Variants in DNAH8 observed in about 807,000 individuals in gnomAD.
DNAH8 encodes the protein dynein axonemal heavy chain 8.
DNAH8 carries 382 observed loss-of-function variants against 562.1 expected under a neutral mutation model. The ratio of observed to expected loss-of-function variants is 0.68; its 90% confidence interval spans 0.63 to 0.74. The LOEUF is 0.74. Among genes scored for constraint, DNAH8 ranks in the 30% least tolerant of loss-of-function variants. The pLI, the probability that DNAH8 is intolerant of heterozygous loss-of-function variation, is 0.00. For missense variants in DNAH8, 5,203 were observed against 5,620.4 expected (o/e 0.93, Z 2.37); for synonymous variants, 1,881 against 1,919.4 (o/e 0.98, Z 0.52).
intron 24 of DNAH8, among the ~76,000 whole-genome samples, chr6:38,812,928 C>T (rs1381147863): frequency 4.6e-5 from 7 of 152,138 alleles, no homozygotes; most frequent in Admixed American, 4.6e-4. Flanking sequence ...GTAGGGTCTG[C>T]CTCACAGAAT....
chr6:38,790,432 T>C, intron 20 of DNAH8, 27 bp downstream of exon 20: 1 of 1,075,268 alleles, frequency 9.3e-7, no homozygotes, highest in South Asian at 1.3e-5. Context: ...TAAAAAGCTA[T>C]CAACATATAT....
chr6:38,744,781 A>G (rs1048171126), intron 8 of DNAH8, among the ~76,000 whole-genome samples: 1 of 151,948 alleles, frequency 6.6e-6, no homozygotes, highest in Admixed American at 6.6e-5. Context: ...TTTTTTTTAT[A>G]GAGATAGGAT....
chr6:38,929,508 T>C lies in DNAH8; in HGVS notation c.11119-3T>C, dbSNP rs773041505. On this transcript the variant is annotated splice_polypyrimidine_tract_variant and splice_region_variant and intron_variant, in intron 74 of 92. Transcript: ENST00000327475. ...GATAGACCAATGAGTTCTTTCTGTT[T>C]AGGTGACATCTCTGAACCATAAATA... 10 of 1,607,786 alleles carry C rather than the reference T, an allele frequency of 6.2e-6. No homozygotes were observed. The South Asian group carries it at 1.1e-4, about 18-fold the overall frequency.
rs1378988339 is a variant in DNAH8, at chr6:38,896,098, T to C, written c.8813T>C (p.Ile2938Thr). The change falls in exon 60 of 93, where the codon ATT becomes ACT. Residue 2938 changes from isoleucine (I) to threonine (T), a missense_variant. Around this residue, in one of 6 missense-constraint regions of DNAH8, gnomAD observed 977 missense variants for 1,061.8 expected, o/e 0.92. Transcript: ENST00000327475. The part of the protein sequence containing the change: ...AHLTRAVEEN[I>T]GSDAASCILP... ...CTTACTCGTGCAGTTGAAGAAAATA[T>C]TGGCTCTGATGCAGCGTCGTGTATT... is the stretch of plus-strand genomic sequence containing the variant. 2.5e-6 allele frequency: 4 copies of C among 1,614,026 alleles called. No individual in the cohort carries two copies. Among genetic ancestry groups the C allele is most frequent in the African/African-American group, 2.7e-5 (2 of 74,938 alleles).
intron 3 of DNAH8, among the ~76,000 whole-genome samples, chr6:38,726,851 G>GTTT (rs58557655): frequency 6.3e-5 from 4 of 63,270 alleles, no homozygotes; most frequent in Non-Finnish European, 1.2e-4. Flanking sequence ...GTATTCTTTA[G>GTTT]TTTTTTTTTT....
Position 39,030,089 on chromosome 6 carries a change from T to C in DNAH8, c.13837-16T>C, listed in dbSNP as rs370831331. 6.2e-7 allele frequency: 1 copy of C among 1,604,850 alleles called. No individual in the cohort carries two copies. Among genetic ancestry groups the C allele is most frequent in the African/African-American group, 1.3e-5 (1 of 74,704 alleles). Reference sequence around the variant, plus strand: ...TTAAAAAATAAATCCTATTACCTTATGCTTGACTCTTCCAGGAAGGTGTGT... The same window carrying C: ...TTAAAAAATAAATCCTATTACCTTACGCTTGACTCTTCCAGGAAGGTGTGT... On this transcript the variant is annotated splice_polypyrimidine_tract_variant and intron_variant, in intron 92 of 92. Transcript: ENST00000327475.
chr6:38,927,141 A>G (rs1214623677), intron 74 of DNAH8, among the ~76,000 whole-genome samples: 1 of 152,246 alleles, frequency 6.6e-6, no homozygotes, highest in Non-Finnish European at 1.5e-5. Flanking sequence ...TCATTATAGA[A>G]AAAAAGAACC....
chr6:38,747,808 A>C (rs781361573), intron 8 of DNAH8, among the ~76,000 whole-genome samples: 3 of 152,218 alleles, frequency 2.0e-5, no homozygotes, highest in Non-Finnish European at 4.4e-5. Context: ...AAATAAGTTT[A>C]TACAGTTTTT....
At chr6:38,845,475 A>T in intron 35 of DNAH8, 99 bp from the exon 36 acceptor site, 1 of 822,716 alleles carries the variant, frequency 1.2e-6, no homozygotes, top group Non-Finnish European at 2.0e-6. Flanking sequence ...TGGGTGACTT[A>T]CAGGTCCCTT....
At chr6:38,923,861 G>T (rs1781909249) in intron 72 of DNAH8, 130 bp from the exon 73 acceptor site, 9 of 1,054,862 alleles carry the variant, frequency 8.5e-6, no homozygotes, top group Admixed American at 4.7e-5. Context: ...CTTTTTCCAT[G>T]CCTGGCTACC....
intron 62 of DNAH8, among the ~76,000 whole-genome samples, 172 bp from the exon 63 acceptor site, chr6:38,906,082 T>C (rs1348640274): frequency 6.6e-6 from 1 of 151,780 alleles, no homozygotes; most frequent in Non-Finnish European, 1.5e-5. Flanking sequence ...TTTTTTTGTA[T>C]TTTTTTAGTA....
chr6:38,899,933 T>G, intron 62 of DNAH8, 27 bp downstream of exon 62: 3 of 1,502,200 alleles, frequency 2.0e-6, no homozygotes, highest in Non-Finnish European at 2.7e-6. Flanking sequence ...CACAATATGT[T>G]TTTCTATAGT....
chr6:38,901,217 A>G (rs1780056321), intron 62 of DNAH8, among the ~76,000 whole-genome samples: 1 of 151,616 alleles, frequency 6.6e-6, no homozygotes, highest in African/African-American at 2.4e-5. Context: ...ATTTTTTTCT[A>G]TTTAGTCCTT....
intron 79 of DNAH8, 141 bp downstream of exon 79, chr6:38,939,129 CT>C (rs34968001): frequency 1.0e-5 from 7 of 671,386 alleles, no homozygotes; most frequent in African/African-American, 1.8e-5. Flanking sequence ...TTTTTAATAC[CT>C]TTTTTCTGTT....
intron 76 of DNAH8, 49 bp from the exon 77 acceptor site, chr6:38,935,543 A>G: frequency 7.4e-7 from 1 of 1,353,458 alleles, no homozygotes; most frequent in East Asian, 2.3e-5. Context: ...GTTTACTGTA[A>G]TAACTGGTAA....
chr6:38,926,103 C>T lies in DNAH8; in HGVS notation c.11011C>T (p.Gln3671Ter). Residue 3671 changes from glutamine (Q) to a stop codon, truncating the protein, a stop_gained, in exon 74 of 93, where the codon CAG becomes TAG. Coordinates refer to ENST00000327475, the MANE Select transcript of DNAH8 (RefSeq NM_001206927.2). LOFTEE classifies it high-confidence loss of function. ...QGLPGDDLSIQNGIIVTKATR... is the reference protein window; with the variant it reads ...QGLPGDDLSI ...ATTACCAGGAGATGATCTCTCAATT[C>T]AGAATGGCATTATTGTGACAAAGGC... The T allele has an allele frequency of 6.2e-7, 1 of 1,613,724 alleles. No homozygotes were observed. The highest frequency in any genetic ancestry group is 1.1e-5 in the South Asian group (1 of 91,074).
At chr6:38,836,446 CAAAA>C (rs71543945) in intron 32 of DNAH8, among the ~76,000 whole-genome samples, 1 of 129,760 alleles carries the variant, frequency 7.7e-6, no homozygotes, top group Admixed American at 7.8e-5. Flanking sequence ...GACTCCATCT[CAAAA>C]AAAAAAACAA....
chr6:38,793,885 G>A (rs1211273873), intron 21 of DNAH8, among the ~76,000 whole-genome samples: 1 of 152,176 alleles, frequency 6.6e-6, no homozygotes, highest in Non-Finnish European at 1.5e-5. Flanking sequence ...CTTGCCCAGA[G>A]TGGCTTGTTT....
intron 9 of DNAH8, among the ~76,000 whole-genome samples, chr6:38,755,170 TC>T (rs1214971339): frequency 6.6e-6 from 1 of 152,178 alleles, no homozygotes; most frequent in African/African-American, 2.4e-5. Flanking sequence ...GTGTCTTTTT[TC>T]TTTCTTAATA....
Sources: allele counts gnomAD v4.1 joint callset (sites outside exome capture counted in the v4.1 genomes callset), GRCh38; gene constraint gnomAD v4.1.1; regional missense constraint gnomAD v4.1.1; transcripts MANE v1.5; gene names NCBI Gene and HGNC (gene_info 2026-07-23, HGNC 2026-07-21).